The following ITPKB variants were observed in gnomAD, a reference collection of about 807,000 sequenced individuals.
The protein encoded by ITPKB is IP3 3-kinase B.
Under a neutral mutation model 69.4 loss-of-function variants are expected in ITPKB, and 13 were observed. The observed-to-expected ratio is 0.19, with a 90% CI of 0.12 to 0.30. The LOEUF is 0.30. ITPKB is among the 10% of genes least tolerant of loss of function. The probability of loss-of-function intolerance (pLI) is 1.00; values close to 1 mark genes in which losing one functional copy is unlikely to be tolerated. For missense variants in ITPKB, 1,240 were observed against 1,250.5 expected (o/e 0.99, Z 0.13); for synonymous variants, 584 against 513.7 (o/e 1.14, Z -1.85).
chr1:226,662,307 A>G (rs896832007), intron 2 of ITPKB, among the ~76,000 whole-genome samples: 1 of 152,238 alleles, frequency 6.6e-6, no homozygotes, highest in African/African-American at 2.4e-5. Flanking sequence ...TTCTGCAGAA[A>G]GTTCAAGAAT....
chr1:226,714,279 T>C (rs576599075), intron 2 of ITPKB, among the ~76,000 whole-genome samples: 1 of 152,346 alleles, frequency 6.6e-6, no homozygotes, highest in South Asian at 2.1e-4. Context: ...TTCACCATGT[T>C]CTCATTCCCT....
At chr1:226,640,118 C>A (rs537671089) in intron 5 of ITPKB, among the ~76,000 whole-genome samples, 1 of 152,194 alleles carries the variant, frequency 6.6e-6, no homozygotes, top group Non-Finnish European at 1.5e-5. Flanking sequence ...TGCTCCCGCC[C>A]TGAGCTCAGC....
intron 2 of ITPKB, among the ~76,000 whole-genome samples, chr1:226,695,140 G>T (rs1356407465): frequency 2.0e-5 from 3 of 152,194 alleles, no homozygotes; most frequent in Admixed American, 2.0e-4. Flanking sequence ...TGAGGCAAGA[G>T]AATTGCTTGA....
At chr1:226,729,481 CAAAA>C (rs1222337089) in intron 2 of ITPKB, among the ~76,000 whole-genome samples, 3 of 70,136 alleles carry the variant, frequency 4.3e-5, no homozygotes, top group Admixed American at 1.5e-4. Flanking sequence ...GACTCCACCT[CAAAA>C]AAAAAAAAAA....
chr1:226,692,124 C>T (rs1033519513), intron 2 of ITPKB, among the ~76,000 whole-genome samples: 2 of 152,198 alleles, frequency 1.3e-5, no homozygotes, highest in Non-Finnish European at 2.9e-5. Context: ...AAGTTTTATA[C>T]ATGAGGAAAT....
intron 2 of ITPKB, among the ~76,000 whole-genome samples, chr1:226,697,504 G>A (rs1656517743): frequency 6.6e-6 from 1 of 152,212 alleles, no homozygotes; most frequent in Non-Finnish European, 1.5e-5. Flanking sequence ...AGAGATGGGT[G>A]TCAGAGGTCA....
At chr1:226,707,510 T>A in intron 2 of ITPKB, 2 of 984,798 alleles carry the variant, frequency 2.0e-6, no homozygotes, top group African/African-American at 3.5e-5. Context: ...AAAGTAAAAT[T>A]TTAAGAGAAA....
At chr1:226,701,618 A>AC (rs1656642154) in intron 2 of ITPKB, among the ~76,000 whole-genome samples, 1 of 147,092 alleles carries the variant, frequency 6.8e-6, no homozygotes, top group African/African-American at 2.7e-5. Flanking sequence ...AAAAAAAAAA[A>AC]AAAAAAAAAA....
intron 2 of ITPKB, chr1:226,669,166 A>G (rs1571850397): frequency 6.6e-6 from 1 of 152,236 alleles, no homozygotes; most frequent in East Asian, 1.9e-4. Context: ...CTGTAATCCC[A>G]ACACTTTGGG....
At chr1:226,717,758 G>A (rs1657130600) in intron 2 of ITPKB, among the ~76,000 whole-genome samples, 1 of 152,194 alleles carries the variant, frequency 6.6e-6, no homozygotes, top group Admixed American at 6.5e-5. Context: ...CGGGCTGCCC[G>A]CCAAGGGGCA....
chr1:226,736,940 G>A lies in ITPKB; in HGVS notation c.519C>T (p.Arg173=), dbSNP rs1432316384. ...APRSPRLGRA[R]SPSPCPFRSS... The stretch of plus-strand genomic sequence containing the variant: ...TGCGGAAGGGGCACGGGGAGGGCGA[G>A]CGAGCCCTGCCCAAACGCGGGCTGC... The change falls in exon 2 of 8, where the codon CGC becomes CGT. Residue 173 remains arginine, a synonymous_variant. Coordinates refer to ENST00000429204, the MANE Select transcript of ITPKB (RefSeq NM_002221.4). 2.5e-6 allele frequency: 4 copies of A among 1,611,196 alleles called. No homozygotes were observed. The highest frequency in any genetic ancestry group is 3.3e-5 in the Admixed American group (2 of 60,010).
Position 226,647,248 on chromosome 1 carries a change from T to A in ITPKB, c.2165A>T (p.Asp722Val), listed in dbSNP as rs1208159250. The A allele has an allele frequency of 6.2e-7, 1 of 1,614,160 alleles. No individual in the cohort carries two copies. The highest frequency in any genetic ancestry group is 8.5e-7 in the Non-Finnish European group (1 of 1,180,016). ...VPAYHGDVVK[D>V]GERYNQMDDL... ...GTCCATCTGGTTGTAGCGCTCCCCG[T>A]CCTTCACCACATCCCCATGGTAGGC... The change falls in exon 4 of 8, where the codon GAC (aspartate) becomes GTC (valine). Residue 722 changes from aspartate to valine, a missense_variant. Physicochemically the swap from Asp to Val is radical, Grantham distance 152. Transcript: ENST00000429204.
At chr1:226,639,759 G>A (rs755901807) in intron 5 of ITPKB, 101 bp from the exon 6 acceptor site, 1 of 804,678 alleles carries the variant, frequency 1.2e-6, no homozygotes, top group Non-Finnish European at 2.1e-6. Flanking sequence ...AGCCCCATCT[G>A]AACCTGGGGC....
intron 2 of ITPKB, among the ~76,000 whole-genome samples, chr1:226,693,152 C>T (rs1337979852): frequency 1.3e-5 from 2 of 152,234 alleles, no homozygotes; most frequent in Admixed American, 6.5e-5. Flanking sequence ...TGGTCAACTT[C>T]GGTGAGCAGA....
intron 2 of ITPKB, among the ~76,000 whole-genome samples, chr1:226,694,251 C>T (rs975647421): frequency 5.9e-5 from 9 of 152,130 alleles, no homozygotes; most frequent in Non-Finnish European, 1.0e-4. Context: ...CATGAAAAGA[C>T]AGAAAAAGAA....
In ITPKB at chr1:226,735,968, G is replaced by A; in HGVS notation, c.1491C>T (p.Asp497=). 1 of 1,614,026 alleles carries A rather than the reference G, an allele frequency of 6.2e-7. No homozygotes were observed. The highest frequency in any genetic ancestry group is 8.5e-7 in the Non-Finnish European group (1 of 1,180,002). The part of the protein sequence containing the change: ...DLKEPQCPPG[D]RVGVQPGNSR... ...AGTTCCCAGGCTGCACACCCACCCT[G>A]TCCCCAGGAGGGCACTGAGGTTCTT... The change falls in exon 2 of 8, where the codon GAC becomes GAT. Residue 497 remains aspartate (D), a synonymous_variant. Coordinates refer to ENST00000429204, the MANE Select transcript of ITPKB (RefSeq NM_002221.4).
intron 2 of ITPKB, among the ~76,000 whole-genome samples, chr1:226,715,888 G>C (rs1204732290): frequency 6.6e-6 from 1 of 152,190 alleles, no homozygotes; most frequent in African/African-American, 2.4e-5. Flanking sequence ...TCGGCTCACT[G>C]AAACCTCCGC....
At chr1:226,665,296 G>A (rs1414695692) in intron 2 of ITPKB, among the ~76,000 whole-genome samples, 1 of 152,200 alleles carries the variant, frequency 6.6e-6, no homozygotes, top group Non-Finnish European at 1.5e-5. Context: ...AGAGACAAAG[G>A]GGAAAGTGCT....
At chr1:226,667,454 G>A (rs998058143) in intron 2 of ITPKB, among the ~76,000 whole-genome samples, 3 of 152,198 alleles carry the variant, frequency 2.0e-5, no homozygotes, top group Admixed American at 2.0e-4. Flanking sequence ...AGTTAAGTAA[G>A]GGTTGCCTCA....
Sources: gnomAD v4.1 joint callset for allele counts (sites outside exome capture counted in the v4.1 genomes callset) on GRCh38, gnomAD v4.1.1 for gene constraint, MANE v1.5 for transcripts, NCBI Gene and HGNC (gene_info 2026-07-23, HGNC 2026-07-21) for gene names.